The following COL8A1 variants were observed in gnomAD, a reference collection of about 807,000 sequenced individuals.
COL8A1 encodes the protein collagen type VIII alpha 1 chain.
COL8A1 carries 21 observed loss-of-function variants against 42.7 expected under a neutral mutation model. The observed-to-expected ratio is 0.49, with a 90% confidence interval of 0.35 to 0.71. The LOEUF is 0.71. COL8A1 is among the 30% of genes least tolerant of loss of function. The pLI is 0.01. For synonymous variants in COL8A1, 367 were observed against 369.1 expected, an observed-to-expected ratio of 0.99 and a Z score of 0.06; for missense variants, 788 against 962.4, an observed-to-expected ratio of 0.82 and a Z score of 2.40.
At chr3:99,739,625 C>T (rs1032324065) in intron 1 of COL8A1, among the ~76,000 whole-genome samples, 18 of 152,232 alleles carry the variant, frequency 1.2e-4, no homozygotes, top group African/African-American at 2.2e-4. Context: ...TCTGAAGCCA[C>T]GGCCCAAGCT....
intron 1 of COL8A1, among the ~76,000 whole-genome samples, chr3:99,744,014 C>G (rs959299734): frequency 6.6e-6 from 1 of 151,904 alleles, no homozygotes; most frequent in African/African-American, 2.4e-5. Flanking sequence ...CCGCAAGCTC[C>G]GCCTCCCAGG....
At chr3:99,685,061 A>C (rs898350310) in intron 1 of COL8A1, among the ~76,000 whole-genome samples, 10 of 152,244 alleles carry the variant, frequency 6.6e-5, no homozygotes, top group Non-Finnish European at 1.2e-4. Flanking sequence ...ATACCATTTT[A>C]GTACCTCATT....
chr3:99,709,695 A>C (rs1312947364), intron 1 of COL8A1, among the ~76,000 whole-genome samples: 1 of 152,158 alleles, frequency 6.6e-6, no homozygotes, highest in Non-Finnish European at 1.5e-5. Context: ...ATCTGACTCC[A>C]TATCTATTTG....
Position 99,677,205 on chromosome 3 carries a change from A to C in COL8A1, c.-129+38541A>C, listed in dbSNP as rs572040377. On this transcript the variant is annotated intron_variant, in intron 1 of 3. Coordinates refer to ENST00000652472, the MANE Select transcript of COL8A1 (RefSeq NM_020351.4). ...GTAAGCAAAGGAATTTAAAGAATGA[A>C]CATCAAGAAATGACTGTTTTAAGAG... Among the ~76,000 whole-genome samples, 7 of 152,076 alleles carry C rather than the reference A, an allele frequency of 4.6e-5. No homozygotes were observed. The South Asian group carries it at 1.2e-3, about 27-fold the overall frequency.
At chr3:99,787,601 C>G (rs1454223338) in intron 2 of COL8A1, among the ~76,000 whole-genome samples, 3 of 151,940 alleles carry the variant, frequency 2.0e-5, no homozygotes, top group Non-Finnish European at 4.4e-5. Context: ...TCATTTGTAC[C>G]CCTGAACAGC....
At chr3:99,752,447 C>A (rs2107414610) in intron 2 of COL8A1, among the ~76,000 whole-genome samples, 1 of 152,158 alleles carries the variant, frequency 6.6e-6, no homozygotes, top group East Asian at 1.9e-4. Flanking sequence ...TGTGATTCCC[C>A]TACACTATTT....
rs1354106279 is a variant in COL8A1 at position 99,796,878 on chromosome 3, G to C, written c.*742G>C. On this transcript the variant is annotated 3_prime_UTR_variant, in exon 4 of 4. Coordinates refer to ENST00000652472, the MANE Select transcript of COL8A1 (RefSeq NM_020351.4). ...AGCATTAGACAGTAACCCTCAAGGA[G>C]CTAGAGAACCGGATGGGAGACATGA... 1.3e-5 allele frequency: 2 copies of C among 152,200 alleles called. No individual in the cohort carries two copies. Among genetic ancestry groups the C allele is most frequent in the Admixed American group, 1.3e-4 (2 of 15,278 alleles). The allele number at this position is 152,200 out of a possible 1,614,324, so 9.4% of individuals were successfully genotyped here.
At chr3:99,732,971 G>T (rs929409187) in intron 1 of COL8A1, among the ~76,000 whole-genome samples, 4 of 151,996 alleles carry the variant, frequency 2.6e-5, no homozygotes, top group South Asian at 2.1e-4. Context: ...ATACAGCAGG[G>T]TAGCCAAATA....
At chr3:99,728,447 A>G (rs1940402795) in intron 1 of COL8A1, among the ~76,000 whole-genome samples, 1 of 152,028 alleles carries the variant, frequency 6.6e-6, no homozygotes, top group South Asian at 2.1e-4. Flanking sequence ...GACTACCAAA[A>G]TACACTTGAA....
chr3:99,724,069 C>T (rs1940233377), intron 1 of COL8A1, among the ~76,000 whole-genome samples: 1 of 152,094 alleles, frequency 6.6e-6, no homozygotes. Flanking sequence ...TTGCTTTGCA[C>T]GACACTGTGT....
At chr3:99,717,110 A>G (rs1940021372) in intron 1 of COL8A1, among the ~76,000 whole-genome samples, 1 of 152,034 alleles carries the variant, frequency 6.6e-6, no homozygotes, top group Admixed American at 6.6e-5. Flanking sequence ...CAGTCTTGCC[A>G]CTGATAAGTT....
intron 1 of COL8A1, among the ~76,000 whole-genome samples, chr3:99,645,166 T>A (rs1414807459): frequency 6.6e-6 from 1 of 152,228 alleles, no homozygotes; most frequent in Non-Finnish European, 1.5e-5. Flanking sequence ...ACTTCATTCA[T>A]AAATTCAGTG....
intron 1 of COL8A1, among the ~76,000 whole-genome samples, chr3:99,662,946 C>T (rs922930549): frequency 4.6e-5 from 7 of 152,062 alleles, no homozygotes; most frequent in African/African-American, 7.2e-5. Flanking sequence ...ATCTCTGATC[C>T]GGATGCATTC....
chr3:99,720,531 G>A (rs961285460), intron 1 of COL8A1, among the ~76,000 whole-genome samples: 4 of 151,980 alleles, frequency 2.6e-5, no homozygotes, highest in African/African-American at 9.7e-5. Context: ...AATTCAAGGC[G>A]ATAACATTAT....
chr3:99,753,096 G>T (rs1166245515), intron 2 of COL8A1, among the ~76,000 whole-genome samples: 1 of 152,158 alleles, frequency 6.6e-6, no homozygotes, highest in Non-Finnish European at 1.5e-5. Flanking sequence ...CTATGCACTG[G>T]TTTATCTCAA....
intron 2 of COL8A1, among the ~76,000 whole-genome samples, chr3:99,757,104 T>G (rs187965436): frequency 6.6e-6 from 1 of 152,306 alleles, no homozygotes; most frequent in East Asian, 1.9e-4. Flanking sequence ...GAACTGCACC[T>G]GGCAAATAGT....
intron 1 of COL8A1, among the ~76,000 whole-genome samples, chr3:99,643,873 A>G (rs1937582154): frequency 1.3e-5 from 2 of 152,200 alleles, no homozygotes; most frequent in South Asian, 4.1e-4. Context: ...AGTGTTGCCA[A>G]TTTAACCATT....
chr3:99,664,783 C>T (rs536023045), intron 1 of COL8A1, among the ~76,000 whole-genome samples: 1 of 152,314 alleles, frequency 6.6e-6, no homozygotes, highest in East Asian at 1.9e-4. Flanking sequence ...ATCTTAATTG[C>T]ATAGTATCAA....
chr3:99,667,176 G>A (rs1332176447), intron 1 of COL8A1, among the ~76,000 whole-genome samples: 2 of 152,088 alleles, frequency 1.3e-5, no homozygotes, highest in Non-Finnish European at 2.9e-5. Context: ...AACTCCTACA[G>A]TTTCCTATCA....
Sources: gnomAD v4.1 joint callset for allele counts (sites outside exome capture counted in the v4.1 genomes callset) on GRCh38, gnomAD v4.1.1 for gene constraint, MANE v1.5 for transcripts, NCBI Gene and HGNC (gene_info 2026-07-23, HGNC 2026-07-21) for gene names.